Variants in CNOT10 observed in about 807,000 individuals in gnomAD.
CNOT10 encodes the protein CCR4-NOT transcription complex, subunit 10.
Under a neutral mutation model 94.6 loss-of-function variants are expected in CNOT10, and 30 were observed. The observed-to-expected ratio is 0.32, with a 90% CI of 0.24 to 0.43. The LOEUF (loss-of-function observed/expected upper bound fraction) is 0.43. Ranked by LOEUF, CNOT10 falls within the 20% of genes least tolerant of loss-of-function variation. The pLI, the probability that CNOT10 is intolerant of heterozygous loss-of-function variation, is 1.00. For missense variants in CNOT10, 759 were observed against 877.2 expected (o/e 0.87, Z 1.70); for synonymous variants, 289 against 301.6 (o/e 0.96, Z 0.43).
intron 1 of CNOT10, among the ~76,000 whole-genome samples, 174 bp downstream of exon 1, chr3:32,685,656 C>T (rs1316854339): frequency 6.6e-6 from 1 of 152,178 alleles, no homozygotes; most frequent in Non-Finnish European, 1.5e-5. Flanking sequence ...CTTCGGGCCC[C>T]GGGTCCAATA....
chr3:32,703,934 T>G lies in CNOT10; in HGVS notation c.89T>G (p.Leu30Ter), dbSNP rs1400209938. The G allele has an allele frequency of 6.2e-7, 1 of 1,613,446 alleles. No individual in the cohort carries two copies. Among genetic ancestry groups the G allele is most frequent in the Admixed American group, 1.7e-5 (1 of 60,020 alleles). ...SSGITDQEKE[L>*]STNAFQAFTS... ...GGGATCACTGATCAAGAGAAGGAGT[T>G]ATCCACCAATGCTTTCCAAGCTTTC... Residue 30 changes from leucine to a stop codon, truncating the protein, a stop_gained, in exon 2 of 19, where the codon TTA (leucine) becomes TGA (stop). Transcript: ENST00000328834. LOFTEE classifies it high-confidence loss of function.
intron 4 of CNOT10, among the ~76,000 whole-genome samples, chr3:32,710,320 CTG>C (rs756406391): frequency 1.4e-5 from 2 of 146,292 alleles, no homozygotes; most frequent in Admixed American, 6.9e-5. Context: ...TTTTTAAAGA[CTG>C]TTTTTTTAGA....
Position 32,713,283 on chromosome 3 carries a change from T to C in CNOT10, c.487T>C (p.Tyr163His), listed in dbSNP as rs1234714965. ...FLLVDLYILT[Y>H]QAEKALHLLA... ...GCTTGTAGACCTGTATATATTAACCTACCAAGCTGAGAAAGCTTTGCATCT... is the reference window on the plus strand; with the variant it reads ...GCTTGTAGACCTGTATATATTAACCCACCAAGCTGAGAAAGCTTTGCATCT... The change falls in exon 5 of 19, where the codon TAC (tyrosine) becomes CAC (histidine). Residue 163 changes from tyrosine to histidine, a missense_variant. This residue lies in a region of CNOT10 where 682 missense variants were observed against 799.4 expected (regional missense o/e 0.85). Transcript: ENST00000328834. The C allele has an allele frequency of 6.3e-7, 1 of 1,599,194 alleles. No individual in the cohort carries two copies. The highest frequency in any genetic ancestry group is 1.4e-5 in the African/African-American group (1 of 73,944).
At chr3:32,692,767 T>G (rs1353282229) in intron 1 of CNOT10, among the ~76,000 whole-genome samples, 1 of 152,094 alleles carries the variant, frequency 6.6e-6, no homozygotes, top group African/African-American at 2.4e-5. Flanking sequence ...TCTCCTGGGC[T>G]GGGTACAGTG....
At chr3:32,734,302 ACC>A (rs1307341439) in intron 11 of CNOT10, among the ~76,000 whole-genome samples, 10 of 152,220 alleles carry the variant, frequency 6.6e-5, no homozygotes, top group Admixed American at 6.5e-4. Context: ...GGTATATCAA[ACC>A]AACAGAAAGT....
chr3:32,735,789 A>G (rs1352630229), intron 12 of CNOT10, among the ~76,000 whole-genome samples: 4 of 152,134 alleles, frequency 2.6e-5, no homozygotes, highest in African/African-American at 9.7e-5. Context: ...CTATCCTCTT[A>G]ATATACTATA....
At chr3:32,696,090 C>T (rs1038542472) in intron 1 of CNOT10, among the ~76,000 whole-genome samples, 5 of 150,640 alleles carry the variant, frequency 3.3e-5, no homozygotes, top group East Asian at 1.9e-4. Flanking sequence ...CCGAGGCAGG[C>T]GGATCACTTG....
At chr3:32,734,778 A>G (rs1023914427) in intron 11 of CNOT10, 22 bp from the exon 12 acceptor site, 5 of 1,539,162 alleles carry the variant, frequency 3.2e-6, no homozygotes, top group Non-Finnish European at 4.4e-6. Context: ...CCACTTAGCT[A>G]ATTTGGTTTT....
At chr3:32,731,615 A>G (rs371978124) in intron 10 of CNOT10, among the ~76,000 whole-genome samples, 22 of 152,142 alleles carry the variant, frequency 1.4e-4, no homozygotes, top group East Asian at 5.8e-4. Context: ...AGCTGGGACT[A>G]TAGGCATGCA....
Position 32,753,628 on chromosome 3 carries a change from C to T in CNOT10, c.1596-5830C>T. ...AAAACAATTCATAGCAGGTGTAAAG[C>T]ACCTACATCCATCATCATCTCCTTA... is the stretch of plus-strand genomic sequence containing the variant. On this transcript the variant is annotated intron_variant, in intron 13 of 18. Transcript: ENST00000328834. The T allele has an allele frequency of 1.9e-6, 3 of 1,569,052 alleles. No individual in the cohort carries two copies. The South Asian group carries it at 3.4e-5, about 18-fold the overall frequency.
At chr3:32,703,599 G>A (rs1299356020) in intron 1 of CNOT10, among the ~76,000 whole-genome samples, 1 of 152,148 alleles carries the variant, frequency 6.6e-6, no homozygotes, top group African/African-American at 2.4e-5. Context: ...CAAGGGGGAG[G>A]TATCTTATAC....
intron 10 of CNOT10, among the ~76,000 whole-genome samples, chr3:32,729,357 A>G (rs192499121): frequency 1.3e-5 from 2 of 152,298 alleles, no homozygotes; most frequent in Admixed American, 6.5e-5. Flanking sequence ...GATAGGGGAA[A>G]GACGGGTTGT....
intron 13 of CNOT10, among the ~76,000 whole-genome samples, chr3:32,739,755 T>A (rs138623310): frequency 1.3e-5 from 2 of 152,100 alleles, no homozygotes; most frequent in African/African-American, 4.8e-5. Flanking sequence ...TGAAACCCCA[T>A]CTCTCCTAAA....
At chr3:32,758,231 AGT>A (rs2125628823) in intron 13 of CNOT10, among the ~76,000 whole-genome samples, 1 of 152,326 alleles carries the variant, frequency 6.6e-6, no homozygotes, top group South Asian at 2.1e-4. Flanking sequence ...CACACTAGAC[AGT>A]CTTTCAGCCC....
chr3:32,737,988 A>G (rs989818213), intron 13 of CNOT10, among the ~76,000 whole-genome samples: 3 of 152,152 alleles, frequency 2.0e-5, no homozygotes, highest in Non-Finnish European at 2.9e-5. Context: ...AAGTGCTTCT[A>G]TATCCGTGAG....
Position 32,702,382 on chromosome 3 carries a change from C to G in CNOT10, c.23-1486C>G, listed in dbSNP as rs180865849. Among the ~76,000 whole-genome samples the G allele has an allele frequency of 1.6e-3, 245 of 152,240 alleles. 1 individual carries two copies. The highest frequency in any genetic ancestry group is 5.7e-3 in the African/African-American group (238 of 41,554). ...AGATTTTTACCTTTATTTTGGAATT[C>G]TATTTTCAAATTAAAACAAAAAGCA... is the stretch of plus-strand genomic sequence containing the variant. On this transcript the variant is annotated intron_variant, in intron 1 of 18. Coordinates refer to ENST00000328834, the MANE Select transcript of CNOT10 (RefSeq NM_015442.3).
At chr3:32,758,181 C>G (rs1700297124) in intron 13 of CNOT10, among the ~76,000 whole-genome samples, 1 of 152,166 alleles carries the variant, frequency 6.6e-6, no homozygotes, top group Non-Finnish European at 1.5e-5. Flanking sequence ...TATGTTTACT[C>G]ACTTTGAGTC....
At chr3:32,738,321 A>C (rs997282733) in intron 13 of CNOT10, among the ~76,000 whole-genome samples, 4 of 152,158 alleles carry the variant, frequency 2.6e-5, no homozygotes, top group Non-Finnish European at 5.9e-5. Context: ...GCCCTGAACT[A>C]ATAAAAAGGA....
intron 4 of CNOT10, among the ~76,000 whole-genome samples, chr3:32,712,219 A>G (rs1285790293): frequency 6.7e-6 from 1 of 150,022 alleles, no homozygotes; most frequent in Non-Finnish European, 1.5e-5. Flanking sequence ...TCATGGAGTC[A>G]TAGACTTTTT....
Sources: gnomAD v4.1 joint callset for allele counts (sites outside exome capture counted in the v4.1 genomes callset) on GRCh38, gnomAD v4.1.1 for gene constraint, gnomAD v4.1.1 regional missense constraint, MANE v1.5 for transcripts, NCBI Gene and HGNC (gene_info 2026-07-23, HGNC 2026-07-21) for gene names.